Variants in NPR3 observed in about 807,000 individuals in gnomAD.
The protein encoded by NPR3 is atrial natriuretic peptide receptor 3.
NPR3 carries 34 observed loss-of-function variants against 54.5 expected under a neutral mutation model. The observed-to-expected ratio is 0.62, with a 90% CI of 0.47 to 0.83. NPR3 has a LOEUF of 0.83. Ranked by LOEUF, NPR3 falls within the 40% of genes least tolerant of loss-of-function variation. NPR3 has a pLI of 0.00. For synonymous variants in NPR3, 289 were observed against 297.1 expected (o/e 0.97, Z 0.28); for missense variants, 674 against 720.8 (o/e 0.94, Z 0.74).
chr5:32,754,167 C>T (rs971127238), intron 3 of NPR3, among the ~76,000 whole-genome samples: 1 of 152,110 alleles, frequency 6.6e-6, no homozygotes, highest in East Asian at 1.9e-4. Context: ...ATGCTGCTAT[C>T]CATGTGGGTG....
Position 32,717,283 on chromosome 5 carries a change from T to G in NPR3, c.769+4738T>G, listed in dbSNP as rs143105430. On this transcript the variant is annotated intron_variant, in intron 1 of 7. Coordinates refer to ENST00000265074, the MANE Select transcript of NPR3 (RefSeq NM_001204375.2). Reference sequence around the variant, plus strand: ...GACATTTGAGTTGGTTCCAAGTCTTTCCTATTGTGAATAGTGCCGCAATAA... The same window carrying G: ...GACATTTGAGTTGGTTCCAAGTCTTGCCTATTGTGAATAGTGCCGCAATAA... 8.3e-3 allele frequency among the ~76,000 whole-genome samples: 1,264 copies of G among 152,288 alleles called. 19 individuals carry two copies. Among genetic ancestry groups the G allele is most frequent in the African/African-American group, 0.029 (1,193 of 41,550 alleles).
intron 3 of NPR3, among the ~76,000 whole-genome samples, chr5:32,743,130 T>C (rs1740119519): frequency 6.6e-6 from 1 of 152,196 alleles, no homozygotes; most frequent in African/African-American, 2.4e-5. Context: ...GATGGATTAA[T>C]GCCATTTTGT....
At chr5:32,765,847 G>A (rs972705636) in intron 3 of NPR3, among the ~76,000 whole-genome samples, 4 of 152,200 alleles carry the variant, frequency 2.6e-5, no homozygotes, top group African/African-American at 9.7e-5. Context: ...TATTTACAAA[G>A]CTATGTTTAG....
At chr5:32,720,389 C>T (rs746722070) in intron 1 of NPR3, among the ~76,000 whole-genome samples, 30 of 152,180 alleles carry the variant, frequency 2.0e-4, no homozygotes, top group Non-Finnish European at 8.8e-5. Flanking sequence ...TAAGTATCCC[C>T]CCAATTCAGG....
chr5:32,716,539 T>C (rs1738560629), intron 1 of NPR3: 6 of 424,906 alleles, frequency 1.4e-5, no homozygotes, highest in Non-Finnish European at 9.3e-6. Flanking sequence ...GAGGATTGCT[T>C]GAGTCCAAGA....
At chr5:32,712,667 G>C in intron 1 of NPR3, 122 bp downstream of exon 1, 1 of 944,442 alleles carries the variant, frequency 1.1e-6, no homozygotes. Flanking sequence ...GGGTGCGCGC[G>C]GGCACTCGTT....
rs180691863 is a variant in NPR3 at position 32,749,317 on chromosome 5, T to A, written c.1059+10287T>A. 4.8e-3 allele frequency among the ~76,000 whole-genome samples: 727 copies of A among 152,208 alleles called. 7 individuals are homozygous for A. Among genetic ancestry groups the A allele is most frequent in the African/African-American group, 0.017 (689 of 41,554 alleles). On this transcript the variant is annotated intron_variant, in intron 3 of 7. Coordinates refer to ENST00000265074, the MANE Select transcript of NPR3 (RefSeq NM_001204375.2). ...TAAATCAGAAGGAAAAAAGATTTTT[T>A]AAAAAAAATTTTCTTTTACTTTCTG...
In NPR3 at chr5:32,790,817, C is replaced by T. The variant is rs1438400788; in HGVS notation, c.*4472C>T. ...AAGTGTTTCAATGGGAGCCAGATCT[C>T]ATGAGTAAAAATCCATTTTATAATA... On this transcript the variant is annotated 3_prime_UTR_variant, in exon 8 of 8. Coordinates refer to ENST00000265074, the MANE Select transcript of NPR3 (RefSeq NM_001204375.2). 3 of 167,020 alleles carry T rather than the reference C, an allele frequency of 1.8e-5. No individual in the cohort carries two copies. The highest frequency in any genetic ancestry group is 4.4e-5 in the Non-Finnish European group (3 of 68,106). The allele number at this position is 167,020 out of a possible 1,614,324, so 10.3% of individuals were successfully genotyped here. A position where few individuals can be genotyped will look rare whatever the true frequency, so the allele number is the denominator to read the frequency against.
At chr5:32,761,908 C>T (rs1297943621) in intron 3 of NPR3, among the ~76,000 whole-genome samples, 1 of 152,034 alleles carries the variant, frequency 6.6e-6, no homozygotes, top group Non-Finnish European at 1.5e-5. Flanking sequence ...CTGTCATCTA[C>T]ATTAGGTATT....
chr5:32,703,271 T>C (rs1176842718), intron 1 of NPR3, among the ~76,000 whole-genome samples: 1 of 152,084 alleles, frequency 6.6e-6, no homozygotes, highest in Non-Finnish European at 1.5e-5. Flanking sequence ...TCTAATGGCA[T>C]CTTGGGGTCT....
chr5:32,691,213 G>A (rs1421614164), intron 1 of NPR3, among the ~76,000 whole-genome samples: 6 of 152,220 alleles, frequency 3.9e-5, no homozygotes, highest in African/African-American at 1.4e-4. Context: ...TTGGGTAAGT[G>A]TTATGTGTTG....
intron 3 of NPR3, among the ~76,000 whole-genome samples, chr5:32,762,962 T>G (rs1741256073): frequency 6.6e-6 from 1 of 152,234 alleles, no homozygotes; most frequent in South Asian, 2.1e-4. Flanking sequence ...TTTATAGTTT[T>G]AGGTCTTACA....
At chr5:32,697,564 G>C (rs1740562159) in intron 1 of NPR3, among the ~76,000 whole-genome samples, 1 of 151,720 alleles carries the variant, frequency 6.6e-6, no homozygotes, top group African/African-American at 2.4e-5. Flanking sequence ...GAGTAGAATT[G>C]GTATTAGTTC....
intron 3 of NPR3, among the ~76,000 whole-genome samples, chr5:32,773,875 A>G (rs1345371239): frequency 3.3e-5 from 5 of 152,246 alleles, no homozygotes; most frequent in African/African-American, 7.2e-5. Context: ...TGAAGCAGGC[A>G]CTAGTCTCAT....
chr5:32,757,634 T>C (rs1740918311), intron 3 of NPR3, among the ~76,000 whole-genome samples: 2 of 152,210 alleles, frequency 1.3e-5, no homozygotes, highest in South Asian at 4.1e-4. Context: ...CTTCCAACAC[T>C]ACGTTGAATA....
chr5:32,738,818 T>C, intron 2 of NPR3, 46 bp from the exon 3 acceptor site: 2 of 1,577,082 alleles, frequency 1.3e-6, no homozygotes, highest in Non-Finnish European at 1.7e-6. Flanking sequence ...ATGGCCTCTT[T>C]ATGGTGGCTG....
chr5:32,722,728 A>G (rs892947929), intron 1 of NPR3, among the ~76,000 whole-genome samples: 1 of 152,160 alleles, frequency 6.6e-6, no homozygotes, highest in African/African-American at 2.4e-5. Flanking sequence ...TTTATGGGAC[A>G]CCCTGGCTCT....
At chr5:32,764,701 T>C (rs1360590232) in intron 3 of NPR3, among the ~76,000 whole-genome samples, 2 of 145,644 alleles carry the variant, frequency 1.4e-5, no homozygotes, top group Non-Finnish European at 3.0e-5. Flanking sequence ...GGCAGGAGAA[T>C]TGCTTGAACC....
intron 3 of NPR3, among the ~76,000 whole-genome samples, chr5:32,742,672 A>G (rs1295048483): frequency 2.0e-5 from 3 of 152,168 alleles, no homozygotes; most frequent in African/African-American, 4.8e-5. Flanking sequence ...CAGAATTCAT[A>G]TCTGTTCACA....
Sources: gnomAD v4.1 joint callset for allele counts (sites outside exome capture counted in the v4.1 genomes callset) on GRCh38, gnomAD v4.1.1 for gene constraint, MANE v1.5 for transcripts, NCBI Gene and HGNC (gene_info 2026-07-23, HGNC 2026-07-21) for gene names.